GRAMD1B: variants seen among roughly 807,000 people sequenced by gnomAD.
GRAMD1B encodes the protein protein Aster-B.
GRAMD1B carries 37 observed loss-of-function variants against 99.7 expected under a neutral mutation model. The observed-to-expected ratio is 0.37, with a 90% CI of 0.29 to 0.49. GRAMD1B has a LOEUF of 0.49. GRAMD1B is among the 20% of genes least tolerant of loss of function. The pLI is 0.98. For missense variants in GRAMD1B, 888 were observed against 1,009.2 expected (o/e 0.88, Z 1.63); for synonymous variants, 427 against 387.6 (o/e 1.10, Z -1.19).
chr11:123,544,512 GCCAGTTTTCTTTTTGA>G (rs1286163200), intron 2 of GRAMD1B, among the ~76,000 whole-genome samples: 4 of 152,096 alleles, frequency 2.6e-5, no homozygotes, highest in African/African-American at 9.7e-5. Context: ...TCACTCCTTG[GCCAGTTTTCTTTTTGA>G]CCCCACCCCT....
At chr11:123,387,323 G>T (rs1033427326) in intron 1 of GRAMD1B, among the ~76,000 whole-genome samples, 3 of 152,128 alleles carry the variant, frequency 2.0e-5, no homozygotes, top group African/African-American at 7.2e-5. Context: ...GCTCGCAGTG[G>T]ATGCCACGCA....
intron 1 of GRAMD1B, among the ~76,000 whole-genome samples, chr11:123,457,935 T>C (rs1249053414): frequency 1.3e-5 from 2 of 152,020 alleles, no homozygotes; most frequent in African/African-American, 4.8e-5. Context: ...AAGGTGGTCT[T>C]GAACTCCTGG....
At chr11:123,563,673 T>C (rs1385930504) in intron 2 of GRAMD1B, among the ~76,000 whole-genome samples, 1 of 152,108 alleles carries the variant, frequency 6.6e-6, no homozygotes, top group Non-Finnish European at 1.5e-5. Context: ...CCACCACACC[T>C]GGCTAATTTT....
chr11:123,359,810 G>A (rs1946078046), intron 1 of GRAMD1B, among the ~76,000 whole-genome samples: 1 of 152,190 alleles, frequency 6.6e-6, no homozygotes, highest in African/African-American at 2.4e-5. Flanking sequence ...AGCAGCAGAT[G>A]TAAAACTCCC....
At position 123,591,939 on chromosome 11, in the gene GRAMD1B, G is replaced by A. The variant is rs963766925; in HGVS notation, c.685-2143G>A. Among the ~76,000 whole-genome samples the A allele has an allele frequency of 2.0e-5, 3 of 152,218 alleles. No homozygotes were observed. The highest frequency in any genetic ancestry group is 2.9e-5 in the Non-Finnish European group (2 of 68,040). On this transcript the variant is annotated intron_variant, in intron 4 of 19. Coordinates refer to ENST00000635736, the MANE Select transcript of GRAMD1B (RefSeq NM_001387025.1). The surrounding 1 kb of genome is among the most constrained non-coding windows in gnomAD (Gnocchi z 4.7). ...TTTTAAGGAAAGTAGCGGCCCCCTC[G>A]ATTTGCCTGCGGGTTGGAGATGGTG... is the stretch of plus-strand genomic sequence containing the variant.
intron 9 of GRAMD1B, among the ~76,000 whole-genome samples, chr11:123,604,252 A>G (rs796289725): frequency 1.8e-4 from 28 of 152,230 alleles, no homozygotes; most frequent in African/African-American, 6.3e-4. Context: ...TCATGAGACT[A>G]GCTGAAATTT....
intron 3 of GRAMD1B, among the ~76,000 whole-genome samples, chr11:123,577,952 C>T (rs1387005778): frequency 6.6e-6 from 1 of 152,064 alleles, no homozygotes; most frequent in Non-Finnish European, 1.5e-5. Flanking sequence ...TAGGGAGAGT[C>T]CTCAGGGAAC....
intron 2 of GRAMD1B, among the ~76,000 whole-genome samples, chr11:123,541,164 C>G (rs973580577): frequency 6.6e-6 from 1 of 151,994 alleles, no homozygotes; most frequent in Admixed American, 6.6e-5. Context: ...TTAGTACAGA[C>G]GGAGTTTCTC....
In GRAMD1B at chr11:123,625,936, A is replaced by AAGAGAGAGAGAGAGAGAGAGAG. The variant is rs59323923; in HGVS notation, c.*3365_*3386dup. On this transcript the variant is annotated 3_prime_UTR_variant, in exon 20 of 20. Coordinates refer to ENST00000635736, the MANE Select transcript of GRAMD1B (RefSeq NM_001387025.1). The stretch of plus-strand genomic sequence containing the variant: ...TAGGAGGGCTGGGGAGGCCCAGTGG[A>AAGAGAGAGAGAGAGAGAGAGAG]AGAGAGAGAGAGAGAGAGAGAGAGA... 14 of 104,272 alleles carry AAGAGAGAGAGAGAGAGAGAGAG rather than the reference A, an allele frequency of 1.3e-4. No individual in the cohort carries two copies. Among genetic ancestry groups the AAGAGAGAGAGAGAGAGAGAGAG allele is most frequent in the South Asian group, 4.2e-4 (1 of 2,354 alleles). The allele number at this position is 104,272 out of a possible 1,614,324, so 6.5% of individuals were successfully genotyped here.
intron 1 of GRAMD1B, among the ~76,000 whole-genome samples, chr11:123,451,226 T>C (rs574668501): frequency 6.6e-6 from 1 of 152,354 alleles, no homozygotes; most frequent in African/African-American, 2.4e-5. Flanking sequence ...AATTATTCTT[T>C]GTGATTGCTG....
intron 1 of GRAMD1B, among the ~76,000 whole-genome samples, chr11:123,404,967 C>T (rs534193808): frequency 2.4e-4 from 36 of 152,202 alleles, no homozygotes; most frequent in Non-Finnish European, 4.6e-4. Flanking sequence ...CAAATCCTGT[C>T]TTGCTGATTT....
At chr11:123,386,792 C>T (rs1947077746) in intron 1 of GRAMD1B, among the ~76,000 whole-genome samples, 1 of 152,194 alleles carries the variant, frequency 6.6e-6, no homozygotes, top group Non-Finnish European at 1.5e-5. Flanking sequence ...CTGCCCAGTC[C>T]CCACTGGCCA....
intron 2 of GRAMD1B, among the ~76,000 whole-genome samples, chr11:123,564,777 A>T (rs749780457): frequency 6.6e-6 from 1 of 152,188 alleles, no homozygotes; most frequent in Non-Finnish European, 1.5e-5. Flanking sequence ...GGGGTCCTTG[A>T]TGAGCAAACA....
At chr11:123,604,622 A>G (rs1952450500) in intron 9 of GRAMD1B, among the ~76,000 whole-genome samples, 1 of 152,220 alleles carries the variant, frequency 6.6e-6, no homozygotes, top group African/African-American at 2.4e-5. Flanking sequence ...AGTCGAAATA[A>G]TAGTGTTGTC....
chr11:123,577,649 G>A (rs1430906229), intron 3 of GRAMD1B, 72 bp downstream of exon 3: 13 of 1,163,776 alleles, frequency 1.1e-5, no homozygotes, highest in Admixed American at 4.0e-5. Flanking sequence ...GTGGTGAGCC[G>A]GAGAACATCT....
At chr11:123,614,867 T>TCA in intron 17 of GRAMD1B, 32 bp downstream of exon 17, 1 of 1,281,986 alleles carries the variant, frequency 7.8e-7, no homozygotes, top group Non-Finnish European at 1.1e-6. Flanking sequence ...TATCCTGCCC[T>TCA]CACCACCTTC....
At chr11:123,604,541 C>T (rs1040001308) in intron 9 of GRAMD1B, among the ~76,000 whole-genome samples, 1 of 152,094 alleles carries the variant, frequency 6.6e-6, no homozygotes, top group Non-Finnish European at 1.5e-5. Flanking sequence ...GCTTGGTGGT[C>T]GTGCAAGAGG....
intron 10 of GRAMD1B, among the ~76,000 whole-genome samples, chr11:123,606,222 G>C (rs1952687889): frequency 6.6e-6 from 1 of 152,250 alleles, no homozygotes; most frequent in African/African-American, 2.4e-5. Context: ...GGGCTAATGA[G>C]AGAATGAGTT....
At chr11:123,472,010 A>G (rs1015329670) in intron 1 of GRAMD1B, among the ~76,000 whole-genome samples, 4 of 152,172 alleles carry the variant, frequency 2.6e-5, no homozygotes, top group Non-Finnish European at 5.9e-5. Flanking sequence ...GCTCATGCCT[A>G]TAATCCCAGC....
Sources: gnomAD v4.1 joint callset for allele counts (sites outside exome capture counted in the v4.1 genomes callset) on GRCh38, gnomAD v4.1.1 for gene constraint, Gnocchi (gnomAD v3.1) non-coding constraint, MANE v1.5 for transcripts, NCBI Gene and HGNC (gene_info 2026-07-23, HGNC 2026-07-21) for gene names.